Variants in AGBL1 observed in about 807,000 individuals in gnomAD.
AGBL1 encodes the protein cytosolic carboxypeptidase 4.
A neutral mutation model predicts 118.9 loss-of-function variants in AGBL1; 130 were observed. That is an observed-to-expected ratio of 1.09 (90% CI 0.95 to 1.26). The LOEUF is 1.26. Among genes scored for constraint, AGBL1 ranks in the 50% most tolerant of loss-of-function variants. The pLI is 0.00. For synonymous variants in AGBL1, 555 were observed against 478.9 expected, an observed-to-expected ratio of 1.16 and a Z score of -2.08; for missense variants, 1,584 against 1,298.1, an observed-to-expected ratio of 1.22 and a Z score of -3.38.
intron 21 of AGBL1, among the ~76,000 whole-genome samples, chr15:86,604,715 T>C (rs1316692775): frequency 6.6e-6 from 1 of 152,008 alleles, no homozygotes; most frequent in Non-Finnish European, 1.5e-5. Flanking sequence ...AGCCCAATAA[T>C]TAAAATTATA....
intron 23 of AGBL1, among the ~76,000 whole-genome samples, chr15:86,938,324 T>C (rs1234781021): frequency 6.6e-6 from 1 of 152,192 alleles, no homozygotes; most frequent in African/African-American, 2.4e-5. Flanking sequence ...ACAGATATGA[T>C]GGCTTGAGTG....
chr15:86,540,582 G>A (rs773809301), intron 19 of AGBL1, among the ~76,000 whole-genome samples: 8 of 151,782 alleles, frequency 5.3e-5, no homozygotes, highest in Middle Eastern at 3.2e-3. Context: ...GTGAGACTCT[G>A]TCTTAAAAAA....
chr15:86,477,460 G>T (rs572830195), intron 18 of AGBL1, among the ~76,000 whole-genome samples: 2 of 152,154 alleles, frequency 1.3e-5, no homozygotes, highest in Non-Finnish European at 2.9e-5. Flanking sequence ...ACACCTCTAC[G>T]CAAATAAAGT....
At chr15:86,158,382 C>T (rs1350958771) in intron 4 of AGBL1, among the ~76,000 whole-genome samples, 1 of 152,144 alleles carries the variant, frequency 6.6e-6, no homozygotes, top group African/African-American at 2.4e-5. Context: ...TAGCCTAAAG[C>T]ACAAGGCATT....
At chr15:86,945,890 G>A (rs916730066) in intron 23 of AGBL1, among the ~76,000 whole-genome samples, 1 of 152,176 alleles carries the variant, frequency 6.6e-6, no homozygotes, top group African/African-American at 2.4e-5. Flanking sequence ...ACAGCTCAGA[G>A]TCAAAGAATA....
intron 22 of AGBL1, among the ~76,000 whole-genome samples, chr15:86,732,320 G>T (rs1461251554): frequency 3.3e-5 from 5 of 152,158 alleles, no homozygotes; most frequent in African/African-American, 1.2e-4. Flanking sequence ...ATTAGTAATA[G>T]GTTGATCTCA....
At chr15:86,968,116 A>T (rs993814777) in intron 23 of AGBL1, among the ~76,000 whole-genome samples, 1 of 151,922 alleles carries the variant, frequency 6.6e-6, no homozygotes, top group African/African-American at 2.4e-5. Context: ...CCAACTTCAA[A>T]GGTGAGGAGA....
chr15:86,323,057 ACT>A (rs1341095795), intron 17 of AGBL1, among the ~76,000 whole-genome samples: 1 of 151,366 alleles, frequency 6.6e-6, no homozygotes, highest in Non-Finnish European at 1.5e-5. Context: ...TTGGCAGGAA[ACT>A]CTCAGGTTCA....
intron 22 of AGBL1, among the ~76,000 whole-genome samples, chr15:86,681,691 C>T (rs776909332): frequency 5.5e-4 from 83 of 152,216 alleles, no homozygotes; most frequent in Non-Finnish European, 6.3e-4. Context: ...TCTTTAAGCC[C>T]TTTTATGGTC....
chr15:86,320,258 T>C (rs1409646345), intron 17 of AGBL1, among the ~76,000 whole-genome samples: 1 of 152,182 alleles, frequency 6.6e-6, no homozygotes, highest in Non-Finnish European at 1.5e-5. Flanking sequence ...GAACATGTTA[T>C]TTCACCATTA....
intron 17 of AGBL1, among the ~76,000 whole-genome samples, chr15:86,312,856 C>T (rs1427646944): frequency 1.3e-5 from 2 of 152,172 alleles, no homozygotes; most frequent in East Asian, 1.9e-4. Context: ...TCCCCTCAGG[C>T]AGGATCATTG....
chr15:86,413,587 C>G (rs945448508), intron 18 of AGBL1, among the ~76,000 whole-genome samples: 1 of 152,024 alleles, frequency 6.6e-6, no homozygotes, highest in Non-Finnish European at 1.5e-5. Context: ...AAGATATTAT[C>G]TCATGGTGGT....
At chr15:86,730,283 C>T (rs1337135452) in intron 22 of AGBL1, among the ~76,000 whole-genome samples, 1 of 152,088 alleles carries the variant, frequency 6.6e-6, no homozygotes, top group Non-Finnish European at 1.5e-5. Context: ...AACTAAAGAG[C>T]CTCTGCATAG....
intron 23 of AGBL1, among the ~76,000 whole-genome samples, chr15:86,953,304 T>C (rs79728712): frequency 2.0e-5 from 3 of 152,290 alleles, no homozygotes; most frequent in African/African-American, 7.2e-5. Flanking sequence ...AAGCAAGGTA[T>C]ATTTTTTCCT....
intron 17 of AGBL1, among the ~76,000 whole-genome samples, chr15:86,377,293 T>A (rs1434610998): frequency 6.6e-6 from 1 of 152,138 alleles, no homozygotes; most frequent in African/African-American, 2.4e-5. Flanking sequence ...CCAGAAGAAG[T>A]CACTCACATG....
At chr15:86,937,607 T>G (rs867451589) in intron 23 of AGBL1, among the ~76,000 whole-genome samples, 2 of 152,188 alleles carry the variant, frequency 1.3e-5, no homozygotes, top group African/African-American at 2.4e-5. Context: ...TGAGAACTTA[T>G]GCACACAAAG....
chr15:86,207,459 C>G lies in AGBL1; in HGVS notation c.489-17455C>G, dbSNP rs141433614. 5.2e-3 allele frequency among the ~76,000 whole-genome samples: 799 copies of G among 152,240 alleles called. 4 individuals are homozygous for G. Among genetic ancestry groups the G allele is most frequent in the African/African-American group, 0.012 (497 of 41,548 alleles). ...TTATCCATGAGCCTGGAATGTTCTTCCATTTGTTTGTGTCCTCTTTTATCT... is the reference window on the plus strand; with the variant it reads ...TTATCCATGAGCCTGGAATGTTCTTGCATTTGTTTGTGTCCTCTTTTATCT... On this transcript the variant is annotated intron_variant, in intron 5 of 22. Coordinates refer to ENST00000614907, the MANE Select transcript of AGBL1 (RefSeq NM_001386094.1).
intron 21 of AGBL1, among the ~76,000 whole-genome samples, chr15:86,655,978 A>G (rs2085457009): frequency 6.6e-6 from 1 of 152,340 alleles, no homozygotes; most frequent in East Asian, 1.9e-4. Context: ...CCTCATGTGT[A>G]AAATGGGAGT....
chr15:86,631,308 A>AG (rs1472280790), intron 21 of AGBL1, among the ~76,000 whole-genome samples: 1 of 148,366 alleles, frequency 6.7e-6, no homozygotes, highest in Non-Finnish European at 1.5e-5. Flanking sequence ...AGGTTTGGGG[A>AG]GAAAAAAAAG....
Sources: gnomAD v4.1 joint callset for allele counts (sites outside exome capture counted in the v4.1 genomes callset) on GRCh38, gnomAD v4.1.1 for gene constraint, MANE v1.5 for transcripts, NCBI Gene and HGNC (gene_info 2026-07-23, HGNC 2026-07-21) for gene names.